The following ZDHHC20 variants were observed in gnomAD, a reference collection of about 807,000 sequenced individuals.
ZDHHC20 encodes palmitoyltransferase ZDHHC20.
In ZDHHC20, 43 loss-of-function variants were observed where a neutral mutation model predicts 57.8. The ratio of observed to expected loss-of-function variants is 0.74; its 90% confidence interval spans 0.58 to 0.96. The LOEUF (loss-of-function observed/expected upper bound fraction) is 0.96, where lower values mean the gene tolerates loss of function less well. ZDHHC20 is among the 40% of genes least tolerant of loss of function. The probability of loss-of-function intolerance (pLI) is 0.00; values close to 1 mark genes in which losing one functional copy is unlikely to be tolerated. For missense variants in ZDHHC20, 391 were observed against 441.1 expected, an observed-to-expected ratio of 0.89 and a Z score of 1.02; for synonymous variants, 157 against 153.0, an observed-to-expected ratio of 1.03 and a Z score of -0.19.
chr13:21,386,468 T>C (rs913857229), intron 9 of ZDHHC20, among the ~76,000 whole-genome samples: 1 of 152,144 alleles, frequency 6.6e-6, no homozygotes, highest in African/African-American at 2.4e-5. Context: ...AAAACATATA[T>C]AGACTAACAA....
chr13:21,438,776 AG>A (rs35581682), intron 1 of ZDHHC20, among the ~76,000 whole-genome samples: 2 of 152,184 alleles, frequency 1.3e-5, no homozygotes, highest in African/African-American at 4.8e-5. Context: ...ATATTGTGAA[AG>A]GAAGAGTCAA....
chr13:21,452,898 A>C (rs1438651352), intron 1 of ZDHHC20, among the ~76,000 whole-genome samples: 1 of 152,176 alleles, frequency 6.6e-6, no homozygotes. Context: ...AATTCAAAAG[A>C]AGGTCAAAGA....
At chr13:21,451,834 A>C (rs1288372508) in intron 1 of ZDHHC20, among the ~76,000 whole-genome samples, 1 of 151,966 alleles carries the variant, frequency 6.6e-6, no homozygotes, top group East Asian at 1.9e-4. Flanking sequence ...TACTAAAAAT[A>C]CAAAAAAAAA....
intron 1 of ZDHHC20, among the ~76,000 whole-genome samples, chr13:21,454,667 T>C (rs929645216): frequency 5.3e-5 from 8 of 152,058 alleles, no homozygotes; most frequent in Admixed American, 3.3e-4. Context: ...ATCAATGAAA[T>C]AGAAAACTGG....
Position 21,374,450 on chromosome 13 carries a change from A to T in ZDHHC20, c.*2246T>A, listed in dbSNP as rs776845064. 2.1e-4 allele frequency: 95 copies of T among 455,338 alleles called. 2 individuals are homozygous for T. The highest frequency in any genetic ancestry group is 1.5e-3 in the South Asian group (94 of 64,508). The allele number at this position is 455,338 out of a possible 1,614,324, so 28.2% of individuals were successfully genotyped here. A position where few individuals can be genotyped will look rare whatever the true frequency, so the allele number is the denominator to read the frequency against. On this transcript the variant is annotated 3_prime_UTR_variant, in exon 13 of 13. Transcript: ENST00000400590. Reference sequence around the variant, plus strand: ...GGGTTTTGCCATTTTGACCAGGCTAATCTCGAACCCCTGACCTCAGGTGAT... The same window carrying T: ...GGGTTTTGCCATTTTGACCAGGCTATTCTCGAACCCCTGACCTCAGGTGAT...
At chr13:21,425,812 C>T in intron 1 of ZDHHC20, 134 bp from the exon 2 acceptor site, 1 of 582,044 alleles carries the variant, frequency 1.7e-6, no homozygotes, top group Non-Finnish European at 2.4e-6. Context: ...GACACTAATG[C>T]AAAGTCAAAA....
intron 3 of ZDHHC20, among the ~76,000 whole-genome samples, chr13:21,420,536 G>T (rs955448272): frequency 2.6e-5 from 4 of 152,172 alleles, no homozygotes; most frequent in African/African-American, 9.7e-5. Context: ...CTATGGAGAG[G>T]TAAGAGAGAC....
At chr13:21,443,098 C>T (rs979640393) in intron 1 of ZDHHC20, among the ~76,000 whole-genome samples, 1 of 152,212 alleles carries the variant, frequency 6.6e-6, no homozygotes, top group African/African-American at 2.4e-5. Flanking sequence ...TATTTATCCT[C>T]TATCGCTTTG....
At chr13:21,441,176 G>A (rs1410425685) in intron 1 of ZDHHC20, among the ~76,000 whole-genome samples, 2 of 152,130 alleles carry the variant, frequency 1.3e-5, no homozygotes, top group East Asian at 3.8e-4. Context: ...TACATTAATT[G>A]GGGGAGAACT....
At chr13:21,446,514 A>G (rs539171510) in intron 1 of ZDHHC20, among the ~76,000 whole-genome samples, 1 of 152,356 alleles carries the variant, frequency 6.6e-6, no homozygotes, top group South Asian at 2.1e-4. Flanking sequence ...TGAGTGGTTC[A>G]AAGTTTACGA....
At chr13:21,378,771 A>C in intron 11 of ZDHHC20, 33 bp from the exon 12 acceptor site, 4 of 848,444 alleles carry the variant, frequency 4.7e-6, no homozygotes, top group Non-Finnish European at 6.6e-6. Flanking sequence ...GACATGACAA[A>C]AAAAAAAAAA....
rs1180158101 is a variant in ZDHHC20, at chr13:21,374,616, T to A, written c.*2080A>T. ...GTTGAAACAAAGGTAGAAGAATCCA[T>A]ACTATAATATCCCAAATTATGTTTT... On this transcript the variant is annotated 3_prime_UTR_variant, in exon 13 of 13. Coordinates refer to ENST00000400590, the MANE Select transcript of ZDHHC20 (RefSeq NM_001330059.2). 3.9e-6 allele frequency: 1 copy of A among 259,350 alleles called. No individual in the cohort carries two copies. Among genetic ancestry groups the A allele is most frequent in the Non-Finnish European group, 8.0e-6 (1 of 125,414 alleles). The allele number at this position is 259,350 out of a possible 1,614,324, so 16.1% of individuals were successfully genotyped here.
rs553578621 is a variant in ZDHHC20 at position 21,383,297 on chromosome 13, A to G, written c.855-288T>C. On this transcript the variant is annotated intron_variant, in intron 9 of 12. Transcript: ENST00000400590. ...GGGTTTTTCCTGTGCTGTTCTCATG[A>G]TAATGCACAAATCTCACAAGATCTG... Among the ~76,000 whole-genome samples the G allele has an allele frequency of 2.6e-5, 4 of 152,300 alleles. No homozygotes were observed. In the South Asian group the frequency reaches 8.3e-4, roughly 32 times the overall value.
At chr13:21,395,435 TCTGAAAA>T (rs1254737807) in intron 7 of ZDHHC20, among the ~76,000 whole-genome samples, 1 of 151,768 alleles carries the variant, frequency 6.6e-6, no homozygotes, top group Non-Finnish European at 1.5e-5. Context: ...TGTTTCCAAC[TCTGAAAA>T]CTGAAATAAT....
intron 1 of ZDHHC20, among the ~76,000 whole-genome samples, chr13:21,457,366 T>C (rs1442216458): frequency 2.0e-5 from 3 of 152,178 alleles, no homozygotes; most frequent in Non-Finnish European, 2.9e-5. Context: ...TTAGAATAAA[T>C]GCCCACTTCA....
Position 21,421,111 on chromosome 13 carries a change from A to T in ZDHHC20, c.199T>A (p.Trp67Arg). 1 of 1,613,406 alleles carries T rather than the reference A, an allele frequency of 6.2e-7. No individual in the cohort carries two copies. The highest frequency in any genetic ancestry group is 8.5e-7 in the Non-Finnish European group (1 of 1,179,746). The change falls in exon 3 of 13, where the codon TGG becomes AGG. Residue 67 changes from tryptophan to arginine, a missense_variant. This residue lies in a region of ZDHHC20 where 185 missense variants were observed against 188.0 expected (regional missense o/e 0.98). Coordinates refer to ENST00000400590, the MANE Select transcript of ZDHHC20 (RefSeq NM_001330059.2). ...GTGAAAATTGTCATCCAATAGGACC[A>T]TACAAACATAACAAAGAACAGATGG... ...AFHLFFVMFV[W>R]SYWMTIFTSP... is the part of the protein sequence containing the mutation.
At chr13:21,384,367 G>A (rs1296367871) in intron 9 of ZDHHC20, among the ~76,000 whole-genome samples, 2 of 151,178 alleles carry the variant, frequency 1.3e-5, no homozygotes, top group Non-Finnish European at 2.9e-5. Flanking sequence ...TTGAACCCGG[G>A]AGGCGGAGGT....
intron 3 of ZDHHC20, among the ~76,000 whole-genome samples, chr13:21,418,336 C>G (rs1203754173): frequency 6.6e-6 from 1 of 152,106 alleles, no homozygotes; most frequent in African/African-American, 2.4e-5. Flanking sequence ...AAGGCTTAAG[C>G]TCTGGGCTGA....
intron 4 of ZDHHC20, among the ~76,000 whole-genome samples, chr13:21,412,988 A>AG (rs1449362655): frequency 1.3e-5 from 2 of 151,504 alleles, no homozygotes; most frequent in African/African-American, 2.4e-5. Flanking sequence ...AAAAAAAAAA[A>AG]AAACAATTTC....
Sources: allele counts gnomAD v4.1 joint callset (sites outside exome capture counted in the v4.1 genomes callset), GRCh38; gene constraint gnomAD v4.1.1; regional missense constraint gnomAD v4.1.1; transcripts MANE v1.5; gene names NCBI Gene and HGNC (gene_info 2026-07-23, HGNC 2026-07-21).